RNF145: variants seen among roughly 807,000 people sequenced by gnomAD.
The protein encoded by RNF145 is ring finger protein 145.
RNF145 carries 12 observed loss-of-function variants against 57.3 expected under a neutral mutation model. The ratio of observed to expected loss-of-function variants is 0.21; its 90% CI spans 0.13 to 0.34. The LOEUF (loss-of-function observed/expected upper bound fraction) is 0.34, where lower values mean the gene tolerates loss of function less well. RNF145 is among the 10% of genes least tolerant of loss of function. RNF145 has a pLI of 1.00. For synonymous variants in RNF145, 262 were observed against 288.3 expected, an observed-to-expected ratio of 0.91 and a Z score of 0.92; for missense variants, 429 against 799.0, an observed-to-expected ratio of 0.54 and a Z score of 5.58.
chr5:159,164,864 T>A (rs1480216547), intron 8 of RNF145, among the ~76,000 whole-genome samples: 2 of 152,198 alleles, frequency 1.3e-5, no homozygotes. Flanking sequence ...CCTCCTAAGC[T>A]AAACGTGGAA....
intron 8 of RNF145, among the ~76,000 whole-genome samples, chr5:159,163,788 A>G (rs917643352): frequency 4.6e-5 from 7 of 152,160 alleles, no homozygotes; most frequent in Non-Finnish European, 7.4e-5. Context: ...AAGCTTGTCA[A>G]ATCTGTTCCT....
At chr5:159,209,730 G>A (rs1052374344), upstream of RNF145, 27 of 1,118,284 alleles carry the variant, frequency 2.4e-5, no homozygotes, top group Non-Finnish European at 3.5e-5. Flanking sequence ...GCCCGGCTCG[G>A]GTGGCTATGG....
rs10476286 is a variant in RNF145, at chr5:159,196,167, G to A, written c.185-1343C>T. Among the ~76,000 whole-genome samples the A allele has an allele frequency of 1.9e-3, 292 of 151,600 alleles. 2 individuals are homozygous for A. Among genetic ancestry groups the A allele is most frequent in the African/African-American group, 6.7e-3 (278 of 41,258 alleles). On this transcript the variant is annotated intron_variant, in intron 2 of 10. Transcript: ENST00000424310. The stretch of plus-strand genomic sequence containing the variant: ...AACCCACGGCCCATGGGCTACATGT[G>A]GCCCAGGATGGCTTTGAATACAGCC...
At chr5:159,205,641 T>C (rs1310973671) in intron 1 of RNF145, among the ~76,000 whole-genome samples, 2 of 152,194 alleles carry the variant, frequency 1.3e-5, no homozygotes, top group African/African-American at 4.8e-5. Context: ...CCAGCCACCA[T>C]ATTTGAAAAT....
At chr5:159,205,184 A>G (rs956261730) in intron 1 of RNF145, among the ~76,000 whole-genome samples, 3 of 152,230 alleles carry the variant, frequency 2.0e-5, no homozygotes, top group Non-Finnish European at 4.4e-5. Context: ...TTATATATAT[A>G]GCCTGCCAAT....
At chr5:159,186,505 C>G (rs766019566) in intron 3 of RNF145, among the ~76,000 whole-genome samples, 40 of 152,190 alleles carry the variant, frequency 2.6e-4, no homozygotes, top group Admixed American at 6.5e-4. Context: ...TGTTTTCACA[C>G]AAAAGAGGTG....
intron 3 of RNF145, among the ~76,000 whole-genome samples, chr5:159,186,294 A>G (rs1785052808): frequency 6.6e-6 from 1 of 152,224 alleles, no homozygotes; most frequent in South Asian, 2.1e-4. Context: ...TTGCTTATAA[A>G]GAGAAGTATA....
In RNF145 at chr5:159,169,837, G is replaced by T; in HGVS notation, c.798-18C>A. 6.3e-7 allele frequency: 1 copy of T among 1,581,964 alleles called. No homozygotes were observed. Among genetic ancestry groups the T allele is most frequent in the Admixed American group, 1.9e-5 (1 of 53,044 alleles). On this transcript the variant is annotated intron_variant, in intron 6 of 10. Coordinates refer to ENST00000424310, the MANE Select transcript of RNF145 (RefSeq NM_001199383.2). ...CCGCAATACTGGAAAAAAAGAGGGG[G>T]AAATTAACAGACATAAACTTTCCAT...
chr5:159,161,752 A>AG, intron 9 of RNF145, 130 bp from the exon 10 acceptor site: 1 of 569,546 alleles, frequency 1.8e-6, no homozygotes, highest in South Asian at 2.7e-5. Context: ...AAGAGTATCC[A>AG]GGGGAAAAAA....
At chr5:159,171,200 T>C (rs746667226) in intron 6 of RNF145, among the ~76,000 whole-genome samples, 10 of 152,228 alleles carry the variant, frequency 6.6e-5, no homozygotes, top group Non-Finnish European at 1.2e-4. Flanking sequence ...ACAAATTTAA[T>C]TTCTGAAATG....
At position 159,165,980 on chromosome 5, in the gene RNF145, C is replaced by A. The variant is rs192962342; in HGVS notation, c.1121+2893G>T. ...CATGCAAGAGTCTTTGAATATATACCTATGAGGAGATCATGCCAAACTCTC... is the reference window on the plus strand; with the variant it reads ...CATGCAAGAGTCTTTGAATATATACATATGAGGAGATCATGCCAAACTCTC... On this transcript the variant is annotated intron_variant, in intron 8 of 10. Coordinates refer to ENST00000424310, the MANE Select transcript of RNF145 (RefSeq NM_001199383.2). 4.6e-5 allele frequency among the ~76,000 whole-genome samples: 7 copies of A among 152,248 alleles called. No homozygotes were observed. The East Asian group carries it at 1.2e-3, about 25-fold the overall frequency.
chr5:159,164,685 TTAAG>T (rs1228669099), intron 8 of RNF145, among the ~76,000 whole-genome samples: 2 of 152,098 alleles, frequency 1.3e-5, no homozygotes, highest in Non-Finnish European at 2.9e-5. Flanking sequence ...GTGCAATAGG[TTAAG>T]TACTATAAAA....
chr5:159,165,966 C>T (rs1784382094), intron 8 of RNF145, among the ~76,000 whole-genome samples: 2 of 152,144 alleles, frequency 1.3e-5, no homozygotes, highest in Admixed American at 6.5e-5. Flanking sequence ...ATGCAAGAGT[C>T]TTTGAATATA....
At chr5:159,171,310 CTTCA>C (rs1450641599) in intron 6 of RNF145, among the ~76,000 whole-genome samples, 2 of 152,116 alleles carry the variant, frequency 1.3e-5, no homozygotes, top group Non-Finnish European at 2.9e-5. Context: ...TAAAATTTTA[CTTCA>C]TTCTTATTGA....
chr5:159,175,993 T>A (rs547124259), intron 5 of RNF145, among the ~76,000 whole-genome samples: 33 of 152,294 alleles, frequency 2.2e-4, no homozygotes, highest in Admixed American at 2.1e-3. Context: ...GAGTAATTTA[T>A]CTTAGAGCAA....
chr5:159,187,151 G>A (rs1265991656), intron 3 of RNF145, among the ~76,000 whole-genome samples: 79 of 140,344 alleles, frequency 5.6e-4, no homozygotes, highest in Non-Finnish European at 6.0e-4. Context: ...GCGTGGTGGT[G>A]GGCACCTGTA....
intron 4 of RNF145, 106 bp downstream of exon 4, chr5:159,181,854 C>T: frequency 1.5e-6 from 1 of 645,612 alleles, no homozygotes; most frequent in South Asian, 2.1e-5. Flanking sequence ...CCCCATGAAT[C>T]ACTTTTGAGA....
intron 3 of RNF145, among the ~76,000 whole-genome samples, chr5:159,194,334 G>A (rs1785383285): frequency 2.0e-5 from 3 of 152,164 alleles, no homozygotes; most frequent in Admixed American, 2.0e-4. Flanking sequence ...ACCATGCCCG[G>A]CTAATTTTTG....
At chr5:159,162,430 T>C (rs1187810466) in intron 9 of RNF145, among the ~76,000 whole-genome samples, 3 of 64,722 alleles carry the variant, frequency 4.6e-5, no homozygotes, top group Non-Finnish European at 8.3e-5. Flanking sequence ...ATTTTCTTTT[T>C]TTTTTTTTTT....
Sources: gnomAD v4.1 joint callset for allele counts (sites outside exome capture counted in the v4.1 genomes callset) on GRCh38, gnomAD v4.1.1 for gene constraint, MANE v1.5 for transcripts, NCBI Gene and HGNC (gene_info 2026-07-23, HGNC 2026-07-21) for gene names.